The following SCN8A variants were observed in gnomAD, a reference collection of about 807,000 sequenced individuals.
SCN8A encodes sodium channel protein type 8 subunit alpha.
SCN8A carries 30 observed loss-of-function variants against 184.1 expected under a neutral mutation model. The observed-to-expected ratio is 0.16, with a 90% CI of 0.12 to 0.22. The LOEUF (loss-of-function observed/expected upper bound fraction) is 0.22. Ranked by LOEUF, SCN8A falls within the 10% of genes least tolerant of loss-of-function variation. The probability of loss-of-function intolerance (pLI) is 1.00; values close to 1 mark genes in which losing one functional copy is unlikely to be tolerated. For synonymous variants in SCN8A, 852 were observed against 907.0 expected, an observed-to-expected ratio of 0.94 and a Z score of 1.09; for missense variants, 1,057 against 2,498.9, an observed-to-expected ratio of 0.42 and a Z score of 12.30.
intron 14 of SCN8A, among the ~76,000 whole-genome samples, chr12:51,756,197 C>G (rs1942671748): frequency 6.6e-6 from 1 of 152,192 alleles, no homozygotes; most frequent in Non-Finnish European, 1.5e-5. Flanking sequence ...CCTCGTCACC[C>G]TGCTCATGCT....
intron 1 of SCN8A, among the ~76,000 whole-genome samples, chr12:51,602,312 A>C (rs1227303351): frequency 6.6e-6 from 1 of 152,232 alleles, no homozygotes; most frequent in Non-Finnish European, 1.5e-5. Context: ...TGTCAATTAA[A>C]AATAAAGCAA....
chr12:51,688,425 G>C (rs1340094001), intron 5 of SCN8A, among the ~76,000 whole-genome samples: 1 of 152,078 alleles, frequency 6.6e-6, no homozygotes, highest in African/African-American at 2.4e-5. Context: ...GAAATTGTTC[G>C]CAAAACCTGG....
At chr12:51,601,463 C>G (rs1420470349) in intron 1 of SCN8A, among the ~76,000 whole-genome samples, 1 of 149,296 alleles carries the variant, frequency 6.7e-6, no homozygotes, top group East Asian at 2.0e-4. Flanking sequence ...TTTCCTGACT[C>G]ATGCAGGAAA....
At chr12:51,743,620 A>G (rs1942461641) in intron 12 of SCN8A, among the ~76,000 whole-genome samples, 1 of 152,160 alleles carries the variant, frequency 6.6e-6, no homozygotes, top group Non-Finnish European at 1.5e-5. Context: ...GCTGGGTCAG[A>G]CTTGAAGCCA....
intron 20 of SCN8A, among the ~76,000 whole-genome samples, chr12:51,779,387 G>A (rs1377639235): frequency 6.6e-6 from 1 of 152,200 alleles, no homozygotes; most frequent in Non-Finnish European, 1.5e-5. Flanking sequence ...CGTGGTAACT[G>A]CTCTGAGAGC....
chr12:51,656,530 A>G (rs1307619471), intron 1 of SCN8A, among the ~76,000 whole-genome samples: 1 of 152,214 alleles, frequency 6.6e-6, no homozygotes, highest in Non-Finnish European at 1.5e-5. Flanking sequence ...TTGAAATATT[A>G]TATCTGACAA....
rs115726622 is a variant in SCN8A at position 51,790,912 on chromosome 12, G to A, written c.4524+410G>A. 8.5e-3 allele frequency among the ~76,000 whole-genome samples: 1,289 copies of A among 152,310 alleles called. 34 individuals are homozygous for A. Among genetic ancestry groups the A allele is most frequent in the African/African-American group, 0.029 (1,201 of 41,546 alleles). ...CTCAATAAGGATGTCTTTGCAGGAT[G>A]TATCTAGAAGTTAAAATCATGCTTC... On this transcript the variant is annotated intron_variant, in intron 25 of 26. Coordinates refer to ENST00000627620, the MANE Select transcript of SCN8A (RefSeq NM_001330260.2).
chr12:51,670,607 G>A (rs1941113504), intron 2 of SCN8A, among the ~76,000 whole-genome samples: 1 of 152,154 alleles, frequency 6.6e-6, no homozygotes, highest in African/African-American at 2.4e-5. Flanking sequence ...GTTCTGGAAT[G>A]GGAGTAAGGA....
At position 51,697,531 on chromosome 12, in the gene SCN8A, T is replaced by C. The variant is rs569493469; in HGVS notation, c.707-2039T>C. On this transcript the variant is annotated intron_variant, in intron 6 of 26. Transcript: ENST00000627620. ...GCAAAATACAGCAAAAGAAGAATCA[T>C]GTCCATACCACCCATTAGATCACCA... Among the ~76,000 whole-genome samples the C allele has an allele frequency of 2.0e-5, 3 of 152,318 alleles. No individual in the cohort carries two copies. The South Asian group carries it at 6.2e-4, about 32-fold the overall frequency.
rs762240754 is a variant in SCN8A at position 51,806,385 on chromosome 12, C to T, written c.4899C>T (p.Gly1633=). ...GGCGCATCTTGCGTCTGATCAAAGGCGCCAAAGGGATTCGTACCCTGCTCT... is the reference window on the plus strand; with the variant it reads ...GGCGCATCTTGCGTCTGATCAAAGGTGCCAAAGGGATTCGTACCCTGCTCT... ...RIGRILRLIK[G]AKGIRTLLFA... The change falls in exon 27 of 27, where the codon GGC becomes GGT. Residue 1633 remains glycine (G), a synonymous_variant. Transcript: ENST00000627620. The surrounding 1 kb of genome is among the most constrained non-coding windows in gnomAD (Gnocchi z 8.7). 1.1e-5 allele frequency: 17 copies of T among 1,606,984 alleles called. No homozygotes were observed. Among genetic ancestry groups the T allele is most frequent in the Middle Eastern group, 3.3e-4 (2 of 6,050 alleles).
intron 25 of SCN8A, among the ~76,000 whole-genome samples, chr12:51,793,200 G>T (rs974181973): frequency 6.6e-6 from 1 of 152,154 alleles, no homozygotes; most frequent in Non-Finnish European, 1.5e-5. Flanking sequence ...CAATAAAAAT[G>T]GAATGAAGTG....
At chr12:51,732,699 T>C (rs998397482) in intron 12 of SCN8A, among the ~76,000 whole-genome samples, 5 of 152,188 alleles carry the variant, frequency 3.3e-5, no homozygotes, top group Non-Finnish European at 5.9e-5. Context: ...TCCACGAACA[T>C]GGAATATCTT....
chr12:51,802,337 G>A (rs965476940), intron 26 of SCN8A, among the ~76,000 whole-genome samples: 1 of 152,176 alleles, frequency 6.6e-6, no homozygotes, highest in Non-Finnish European at 1.5e-5. Flanking sequence ...TGAGGAGGCT[G>A]TTTTCTCTGG....
chr12:51,692,862 C>A (rs1188860770), intron 6 of SCN8A, among the ~76,000 whole-genome samples: 1 of 152,176 alleles, frequency 6.6e-6, no homozygotes, highest in Admixed American at 6.5e-5. Context: ...ACTAATAGAA[C>A]TGGTTGAGAG....
At chr12:51,794,791 C>CG in intron 26 of SCN8A, 150 bp downstream of exon 26, 1 of 695,906 alleles carries the variant, frequency 1.4e-6, no homozygotes, top group East Asian at 2.8e-5. Context: ...TGAGTCATCT[C>CG]GGGGGCCTGC....
At chr12:51,676,226 T>C (rs1469401451) in intron 2 of SCN8A, among the ~76,000 whole-genome samples, 3 of 152,210 alleles carry the variant, frequency 2.0e-5, no homozygotes, top group Non-Finnish European at 2.9e-5. Flanking sequence ...ACTCTGGAAA[T>C]GCATTCCAGT....
intron 12 of SCN8A, among the ~76,000 whole-genome samples, chr12:51,724,448 CA>C (rs1942124539): frequency 1.3e-5 from 2 of 151,726 alleles, no homozygotes; most frequent in South Asian, 4.2e-4. Flanking sequence ...ACTCTTGTCT[CA>C]AAAAAGAAAA....
chr12:51,748,744 A>G (rs1331968279), intron 13 of SCN8A, among the ~76,000 whole-genome samples: 1 of 152,182 alleles, frequency 6.6e-6, no homozygotes, highest in Non-Finnish European at 1.5e-5. Context: ...AAGTGTCAGT[A>G]TAGTTACTTG....
At chr12:51,664,061 C>T (rs1940980649) in intron 2 of SCN8A, among the ~76,000 whole-genome samples, 1 of 151,880 alleles carries the variant, frequency 6.6e-6, no homozygotes, top group Admixed American at 6.6e-5. Flanking sequence ...AGGCTCAGAG[C>T]AGCTACGTAA....
Sources: allele counts gnomAD v4.1 joint callset (sites outside exome capture counted in the v4.1 genomes callset), GRCh38; gene constraint gnomAD v4.1.1; non-coding constraint Gnocchi (gnomAD v3.1); transcripts MANE v1.5; gene names NCBI Gene and HGNC (gene_info 2026-07-23, HGNC 2026-07-21).